The following CILP2 variants were observed in gnomAD, a reference collection of about 807,000 sequenced individuals.
The protein encoded by CILP2 is CILP-2.
In CILP2, 38 loss-of-function variants were observed where a neutral mutation model predicts 45.6. The observed-to-expected ratio is 0.83, with a 90% CI of 0.64 to 1.09. The LOEUF (loss-of-function observed/expected upper bound fraction) is 1.09, where lower values mean the gene tolerates loss of function less well. Among genes scored for constraint, CILP2 ranks in the 50% least tolerant of loss-of-function variants. CILP2 has a pLI of 0.00. For missense variants in CILP2, 1,735 were observed against 1,662.2 expected, an observed-to-expected ratio of 1.04 and a Z score of -0.76; for synonymous variants, 780 against 723.5, an observed-to-expected ratio of 1.08 and a Z score of -1.25.
Position 19,544,650 on chromosome 19 carries a change from C to A in CILP2, c.2105C>A (p.Ser702Tyr). 6.4e-7 allele frequency: 1 copy of A among 1,551,618 alleles called. No individual in the cohort carries two copies. The change falls in exon 8 of 8, where the codon TCC (serine) becomes TAC (tyrosine). Residue 702 changes from serine to tyrosine, a missense_variant. Transcript: ENST00000291495. Reference protein sequence around the residue: ...EEESGFRREGSSGPRVRREER... With the variant: ...EEESGFRREGYSGPRVRREER... Reference sequence around the variant, plus strand: ...GAGAGCGGCTTCCGGCGCGAGGGGTCCTCGGGCCCCCGGGTGCGCCGGGAG... The same window carrying A: ...GAGAGCGGCTTCCGGCGCGAGGGGTACTCGGGCCCCCGGGTGCGCCGGGAG...
At chr19:19,543,572 C>G in intron 7 of CILP2, 109 bp from the exon 8 acceptor site, 1 of 1,365,806 alleles carries the variant, frequency 7.3e-7, no homozygotes, top group Non-Finnish European at 1.0e-6. Flanking sequence ...TTACCCTGGG[C>G]AGACCCCTGT....
Position 19,545,557 on chromosome 19 carries a change from G to A in CILP2, c.3012G>A (p.Gln1004=), listed in dbSNP as rs2061262064. 6.2e-7 allele frequency: 1 copy of A among 1,612,072 alleles called. No homozygotes were observed. Among genetic ancestry groups the A allele is most frequent in the Non-Finnish European group, 8.5e-7 (1 of 1,179,614 alleles). Reference sequence around the variant, plus strand: ...GCGGGATGCTGTTCGACCAGCGGCAGGTGGACAGGACGCTGGTGACCATTA... The same window carrying A: ...GCGGGATGCTGTTCGACCAGCGGCAAGTGGACAGGACGCTGGTGACCATTA... ...KCSGMLFDQR[Q]VDRTLVTIMP... is the part of the protein sequence containing the mutation. Residue 1004 remains glutamine, a synonymous_variant, in exon 8 of 8, where the codon CAG becomes CAA. Coordinates refer to ENST00000291495, the MANE Select transcript of CILP2 (RefSeq NM_153221.2).
intron 5 of CILP2, 63 bp downstream of exon 5, chr19:19,542,713 T>A: frequency 6.7e-7 from 1 of 1,495,298 alleles, no homozygotes; most frequent in Non-Finnish European, 9.2e-7. Context: ...GTTCTAGCAC[T>A]CGATCAAGAG....
chr19:19,539,876 GA>G, intron 2 of CILP2, 99 bp downstream of exon 2: 1 of 966,814 alleles, frequency 1.0e-6, no homozygotes, highest in Admixed American at 3.3e-5. Flanking sequence ...CACACTAGAC[GA>G]AGGGCCCGGC....
chr19:19,544,922 C>A lies in CILP2; in HGVS notation c.2377C>A (p.Leu793Ile). 6.3e-7 allele frequency: 1 copy of A among 1,590,930 alleles called. No individual in the cohort carries two copies. The change falls in exon 8 of 8, where the codon CTC becomes ATC. Residue 793 changes from leucine (L) to isoleucine (I), a missense_variant. Coordinates refer to ENST00000291495, the MANE Select transcript of CILP2 (RefSeq NM_153221.2). The stretch of plus-strand genomic sequence containing the variant: ...GGTCACCGGCCCCAATGGCGCCTGC[C>A]TCCCCGCCTTCTGCGACGCCGACAG... ...SAVTGPNGACLPAFCDADRPD... is the reference protein window; with the variant it reads ...SAVTGPNGACIPAFCDADRPD...
In CILP2 at chr19:19,543,408, G is replaced by T. The variant is rs763709825; in HGVS notation, c.1135+3G>T. 1.9e-6 allele frequency: 3 copies of T among 1,612,976 alleles called. No homozygotes were observed. In the African/African-American group the frequency reaches 4.0e-5, roughly 22 times the overall value. On this transcript the variant is annotated splice_donor_region_variant and intron_variant, in intron 7 of 7. Coordinates refer to ENST00000291495, the MANE Select transcript of CILP2 (RefSeq NM_153221.2). ...CACTGCCCGGCTCACTGTACTTGGT[G>T]AGTGTCCTTGGCCACAGCCCCGAGC...
At chr19:19,542,769 G>A in intron 5 of CILP2, 95 bp from the exon 6 acceptor site, 3 of 1,573,482 alleles carry the variant, frequency 1.9e-6, no homozygotes, top group Non-Finnish European at 2.6e-6. Context: ...GGCACAGAGT[G>A]AGTCGGCATT....
chr19:19,545,650 C>G lies in CILP2; in HGVS notation c.3105C>G (p.Pro1035=). The change falls in exon 8 of 8, where the codon CCC becomes CCG. Residue 1035 remains proline, a synonymous_variant. Coordinates refer to ENST00000291495, the MANE Select transcript of CILP2 (RefSeq NM_153221.2). ...TTCGGGATTACCTGACCCGGCACCC[C>G]CCACCGGTGCCCGCGGAGGACCCAG... ...GLLRDYLTRH[P]PPVPAEDPAA... 6.2e-7 allele frequency: 1 copy of G among 1,609,172 alleles called. No individual in the cohort carries two copies. Among genetic ancestry groups the G allele is most frequent in the East Asian group, 2.2e-5 (1 of 44,704 alleles).
Position 19,542,388 on chromosome 19 carries a change from C to T in CILP2, c.606C>T (p.Asp202=). ...ATATCCCCCCAGGGTGCAGCCTTGA[C>T]ACCTGTGAATGCCCGGACCACATCC... ...VRPRCPGCSL[D]TCECPDHILL... Residue 202 remains aspartate, a synonymous_variant, in exon 5 of 8, where the codon GAC becomes GAT. Transcript: ENST00000291495. 1.2e-6 allele frequency: 2 copies of T among 1,611,460 alleles called. No homozygotes were observed. The highest frequency in any genetic ancestry group is 1.1e-5 in the South Asian group (1 of 91,052).
chr19:19,542,472 G>A lies in CILP2; in HGVS notation c.690G>A (p.Leu230=). The change falls in exon 5 of 8, where the codon CTG becomes CTA. Residue 230 remains leucine (L), a synonymous_variant. Coordinates refer to ENST00000291495, the MANE Select transcript of CILP2 (RefSeq NM_153221.2). Reference sequence around the variant, plus strand: ...CACTGCTAGGAGCCAGGGTCTCCCTGCGAGACCAGCCTGGCACTGTGGCCA... The same window carrying A: ...CACTGCTAGGAGCCAGGGTCTCCCTACGAGACCAGCCTGGCACTGTGGCCA... The part of the protein sequence containing the change: ...GQPLLGARVS[L]RDQPGTVATS... 6.2e-7 allele frequency: 1 copy of A among 1,613,394 alleles called. No homozygotes were observed. Among genetic ancestry groups the A allele is most frequent in the Non-Finnish European group, 8.5e-7 (1 of 1,180,020 alleles).
Position 19,543,316 on chromosome 19 carries a change from T to C in CILP2, c.1046T>C (p.Leu349Pro), listed in dbSNP as rs2061251163. 6.2e-7 allele frequency: 1 copy of C among 1,613,646 alleles called. No homozygotes were observed. The highest frequency in any genetic ancestry group is 8.5e-7 in the Non-Finnish European group (1 of 1,179,976). Residue 349 changes from leucine (L) to proline (P), a missense_variant, in exon 7 of 8, where the codon CTG becomes CCG. Physicochemically the swap from Leu to Pro is moderately conservative, Grantham distance 98. Coordinates refer to ENST00000291495, the MANE Select transcript of CILP2 (RefSeq NM_153221.2). ...GYGAHLELRGLRPDQAGIYHC... is the reference protein window; with the variant it reads ...GYGAHLELRGPRPDQAGIYHC... ...GGGGCCCACCTGGAGCTGCGGGGAC[T>C]GCGCCCAGACCAGGCTGGCATCTAC... is the stretch of plus-strand genomic sequence containing the variant.
Position 19,545,304 on chromosome 19 carries a change from CCTCCTGGACTGGCGAT to C in CILP2, c.2767_2782del (p.Thr923ProfsTer16). ...GTCCCCTTCCGAGAGGGCACACCTG[CCTCCTGGACTGGCGAT>C]CTCCTGGCCTGGTGGCCCAACCCGC... On this transcript the variant is annotated frameshift_variant, in exon 8 of 8. Coordinates refer to ENST00000291495, the MANE Select transcript of CILP2 (RefSeq NM_153221.2). LOFTEE classifies it low-confidence loss of function (END_TRUNC). The C allele has an allele frequency of 6.2e-7, 1 of 1,612,932 alleles. No homozygotes were observed. Among genetic ancestry groups the C allele is most frequent in the East Asian group, 2.2e-5 (1 of 44,856 alleles).
rs1419381615 is a variant in CILP2, at chr19:19,539,695, G to C, written c.81G>C (p.Glu27Asp). ...LAGARDATPT[E>D]EPMATALGLE... ...CACCCACAGACGCCACCCCCACCGA[G>C]GAGCCAATGGCGACTGCACTGGGCC... Residue 27 changes from glutamate (E) to aspartate (D), a missense_variant, in exon 2 of 8, where the codon GAG becomes GAC. Coordinates refer to ENST00000291495, the MANE Select transcript of CILP2 (RefSeq NM_153221.2). 1 of 1,592,686 alleles carries C rather than the reference G, an allele frequency of 6.3e-7. No homozygotes were observed. The highest frequency in any genetic ancestry group is 8.6e-7 in the Non-Finnish European group (1 of 1,168,296).
In CILP2 at chr19:19,545,038, C is replaced by T. The variant is rs760392757; in HGVS notation, c.2493C>T (p.Thr831=). The change falls in exon 8 of 8, where the codon ACC becomes ACT. Residue 831 remains threonine (T), a synonymous_variant. Transcript: ENST00000291495. ...APSLPRPLPA[T]VGVTQPYLDR... is the part of the protein sequence containing the mutation. ...CCTTGCCCCGCCCACTCCCGGCCAC[C>T]GTGGGCGTCACCCAGCCCTACCTGG... 6.2e-7 allele frequency: 1 copy of T among 1,607,796 alleles called. No homozygotes were observed. The highest frequency in any genetic ancestry group is 1.1e-5 in the South Asian group (1 of 90,830).
chr19:19,543,002 C>A, intron 6 of CILP2, 30 bp downstream of exon 6: 1 of 1,393,918 alleles, frequency 7.2e-7, no homozygotes, highest in South Asian at 1.2e-5. Context: ...TCAGGGGCAT[C>A]TTCTGTGGCT....
At position 19,544,075 on chromosome 19, in the gene CILP2, C is replaced by T. The variant is rs1403404583; in HGVS notation, c.1530C>T (p.Thr510=). ...IGFTAYQGDF[T]IEVPPSTQRL... ...TCACCGCCTACCAGGGCGACTTTAC[C>T]ATTGAGGTGCCGCCCTCCACCCAGC... The change falls in exon 8 of 8, where the codon ACC becomes ACT. Residue 510 remains threonine, a synonymous_variant. Transcript: ENST00000291495. The T allele has an allele frequency of 6.2e-7, 1 of 1,614,032 alleles. No individual in the cohort carries two copies. The highest frequency in any genetic ancestry group is 8.5e-7 in the Non-Finnish European group (1 of 1,180,020).
Position 19,539,729 on chromosome 19 carries a change from C to A in CILP2, c.115C>A (p.Arg39=). ...GGCGACTGCACTGGGCCTGGAAAGA[C>A]GGTCCGTGTACACCGGCCAGCCCTC... The part of the protein sequence containing the change: ...PMATALGLER[R]SVYTGQPSPA... Residue 39 remains arginine (R), a synonymous_variant, in exon 2 of 8, where the codon CGG becomes AGG. Transcript: ENST00000291495. 6.2e-7 allele frequency: 1 copy of A among 1,607,520 alleles called. No individual in the cohort carries two copies.
Position 19,541,131 on chromosome 19 carries a change from G to A in CILP2, c.477G>A (p.Ser159=). The A allele has an allele frequency of 7.9e-7, 1 of 1,258,844 alleles. No homozygotes were observed. The allele number at this position is 1,258,844 out of a possible 1,614,324, so 78.0% of individuals were successfully genotyped here. A position where few individuals can be genotyped will look rare whatever the true frequency, so the allele number is the denominator to read the frequency against. ...WGAWGPWGPC[S]GSCGPGRRLR... ...CGTGGGGCCCGTGGGGTCCCTGCTCGGGGAGCTGTGGGCCAGGCCGTCGCT... is the reference window on the plus strand; with the variant it reads ...CGTGGGGCCCGTGGGGTCCCTGCTCAGGGAGCTGTGGGCCAGGCCGTCGCT... Residue 159 remains serine (S), a synonymous_variant, in exon 4 of 8, where the codon TCG becomes TCA. Transcript: ENST00000291495.
rs999940334 is a variant in CILP2 at position 19,544,753 on chromosome 19, C to A, written c.2208C>A (p.Arg736=). The part of the protein sequence containing the change: ...LFNLDVPERR[R]CFVKVRAYAN... The stretch of plus-strand genomic sequence containing the variant: ...ATCTGGACGTGCCTGAGCGCCGCCG[C>A]TGCTTCGTGAAGGTGCGCGCCTACG... Residue 736 remains arginine, a synonymous_variant, in exon 8 of 8, where the codon CGC becomes CGA. Transcript: ENST00000291495. 3.1e-6 allele frequency: 5 copies of A among 1,606,474 alleles called. No homozygotes were observed. The African/African-American group carries it at 5.3e-5, about 17-fold the overall frequency.
Sources: allele counts gnomAD v4.1 joint callset, GRCh38; gene constraint gnomAD v4.1.1; transcripts MANE v1.5; gene names NCBI Gene and HGNC (gene_info 2026-07-23, HGNC 2026-07-21).